LRP6: variants seen among roughly 807,000 people sequenced by gnomAD.
LRP6 encodes LDL receptor related protein 6, also known as low-density lipoprotein receptor-related protein 6.
In LRP6, 43 loss-of-function variants were observed where a neutral mutation model predicts 184.1. The ratio of observed to expected loss-of-function variants is 0.23; its 90% CI spans 0.18 to 0.30. The LOEUF is 0.30. Ranked by LOEUF, LRP6 falls within the 10% of genes least tolerant of loss-of-function variation. The probability of loss-of-function intolerance (pLI) is 1.00; values close to 1 mark genes in which losing one functional copy is unlikely to be tolerated. For synonymous variants in LRP6, 719 were observed against 684.9 expected, an observed-to-expected ratio of 1.05 and a Z score of -0.78; for missense variants, 1,571 against 2,005.3, an observed-to-expected ratio of 0.78 and a Z score of 4.14.
Position 12,215,681 on chromosome 12 carries a change from G to A in LRP6, c.450-12281C>T, listed in dbSNP as rs146733932. The stretch of plus-strand genomic sequence containing the variant: ...CTAAGATTTAAGATTTCAGTAGACA[G>A]TGTTTTCAGGTATTAAAGATCAGAG... On this transcript the variant is annotated intron_variant, in intron 2 of 22. Coordinates refer to ENST00000261349, the MANE Select transcript of LRP6 (RefSeq NM_002336.3). Among the ~76,000 whole-genome samples, 571 of 150,902 alleles carry A rather than the reference G, an allele frequency of 3.8e-3. 2 individuals are homozygous for A. The highest frequency in any genetic ancestry group is 0.013 in the African/African-American group (537 of 41,258).
At chr12:12,185,974 T>C (rs899905654) in intron 4 of LRP6, among the ~76,000 whole-genome samples, 1 of 151,434 alleles carries the variant, frequency 6.6e-6, no homozygotes. Context: ...GCCTCCCAAG[T>C]AGCTGGGATT....
chr12:12,133,854 G>GTTTT (rs761883648), intron 17 of LRP6, among the ~76,000 whole-genome samples: 1 of 116,320 alleles, frequency 8.6e-6, no homozygotes, highest in Non-Finnish European at 1.8e-5. Flanking sequence ...TTGGGGGGGG[G>GTTTT]GGGGGGGGAG....
chr12:12,171,667 G>A lies in LRP6; in HGVS notation c.1546-6372C>T, dbSNP rs180976399. Among the ~76,000 whole-genome samples, 4 of 152,308 alleles carry A rather than the reference G, an allele frequency of 2.6e-5. No individual in the cohort carries two copies. The East Asian group carries it at 7.7e-4, about 29-fold the overall frequency. ...ACCAGCTTAAACAATATCTGACTGT[G>A]AGACTTTGCATCTAAACACACAGAT... is the stretch of plus-strand genomic sequence containing the variant. On this transcript the variant is annotated intron_variant, in intron 7 of 22. Coordinates refer to ENST00000261349, the MANE Select transcript of LRP6 (RefSeq NM_002336.3).
At chr12:12,244,733 T>TA (rs113264057) in intron 1 of LRP6, 78 bp from the exon 2 acceptor site, 11 of 1,412,322 alleles carry the variant, frequency 7.8e-6, no homozygotes, top group Middle Eastern at 1.9e-4. Flanking sequence ...TTCAAATCGG[T>TA]TTAAGTGAGC....
At chr12:12,164,848 G>A (rs1862829044) in intron 8 of LRP6, among the ~76,000 whole-genome samples, 1 of 137,968 alleles carries the variant, frequency 7.2e-6, no homozygotes, top group Non-Finnish European at 1.5e-5. Flanking sequence ...GCCTGTGCAT[G>A]TGTATTCAGC....
At chr12:12,264,799 A>T (rs921591829) in intron 1 of LRP6, among the ~76,000 whole-genome samples, 2 of 152,250 alleles carry the variant, frequency 1.3e-5, no homozygotes, top group Non-Finnish European at 1.5e-5. Context: ...GTACTGTTAC[A>T]TATTAGAAGA....
chr12:12,205,321 C>CAAA (rs1864024399), intron 2 of LRP6, among the ~76,000 whole-genome samples: 1 of 17,928 alleles, frequency 5.6e-5, no homozygotes, highest in African/African-American at 5.0e-4. Flanking sequence ...GACTCTGTCT[C>CAAA]AAACAAACAA....
chr12:12,175,571 C>T (rs1182320496), intron 7 of LRP6, among the ~76,000 whole-genome samples: 2 of 151,072 alleles, frequency 1.3e-5, no homozygotes, highest in African/African-American at 4.9e-5. Flanking sequence ...CCTGTAGTCC[C>T]AGCTACTCAG....
At chr12:12,171,608 A>G (rs1420970409) in intron 7 of LRP6, among the ~76,000 whole-genome samples, 3 of 152,184 alleles carry the variant, frequency 2.0e-5, no homozygotes, top group Non-Finnish European at 4.4e-5. Context: ...TATAGAAAGG[A>G]ATTATAAGGA....
At chr12:12,189,256 A>C (rs1863553866) in intron 3 of LRP6, among the ~76,000 whole-genome samples, 1 of 152,208 alleles carries the variant, frequency 6.6e-6, no homozygotes, top group South Asian at 2.1e-4. Context: ...TGTCAACGGA[A>C]GGTAATAATC....
intron 3 of LRP6, among the ~76,000 whole-genome samples, chr12:12,201,748 G>C (rs1191269630): frequency 6.6e-6 from 1 of 152,158 alleles, no homozygotes; most frequent in East Asian, 1.9e-4. Flanking sequence ...CTCACAGCCA[G>C]ATTTGAGGTC....
chr12:12,210,723 A>G (rs915365997), intron 2 of LRP6, among the ~76,000 whole-genome samples: 1 of 152,218 alleles, frequency 6.6e-6, no homozygotes, highest in Non-Finnish European at 1.5e-5. Flanking sequence ...CATCAAATTT[A>G]TTTTGGGGGA....
intron 2 of LRP6, among the ~76,000 whole-genome samples, chr12:12,205,758 T>C (rs1864040911): frequency 6.6e-6 from 1 of 152,240 alleles, no homozygotes. Flanking sequence ...TCTTAAATTC[T>C]GAAGTCTATG....
Position 12,148,944 on chromosome 12 carries a change from T to A in LRP6, c.3204A>T (p.Lys1068Asn). 2 of 1,612,024 alleles carry A rather than the reference T, an allele frequency of 1.2e-6. No individual in the cohort carries two copies. Among genetic ancestry groups the A allele is most frequent in the Non-Finnish European group, 1.7e-6 (2 of 1,178,962 alleles). Residue 1068 changes from lysine (K) to asparagine (N), a missense_variant and splice_region_variant, in exon 14 of 23, where the codon AAA becomes AAT. This residue lies in a region of LRP6 where 763 missense variants were observed against 859.5 expected (regional missense o/e 0.89). Transcript: ENST00000261349. The part of the protein sequence containing the change: ...RPRAVVVNPE[K>N]GYMYFTNLQE... Reference sequence around the variant, plus strand: ...TGAACGCCACTTTAGTAACATACCCTTTCTCTGGGTTTACCACAACGGCTC... The same window carrying A: ...TGAACGCCACTTTAGTAACATACCCATTCTCTGGGTTTACCACAACGGCTC...
chr12:12,258,029 C>T (rs1591993459), intron 1 of LRP6, among the ~76,000 whole-genome samples: 2 of 151,482 alleles, frequency 1.3e-5, no homozygotes, highest in African/African-American at 4.9e-5. Context: ...CCAGAAAACA[C>T]GTTACATAGT....
chr12:12,215,351 A>G (rs1392420113), intron 2 of LRP6, among the ~76,000 whole-genome samples: 1 of 152,220 alleles, frequency 6.6e-6, no homozygotes, highest in Non-Finnish European at 1.5e-5. Context: ...AATAATAAAA[A>G]TAGTCTGATA....
chr12:12,184,409 C>CAAACAGAA (rs1555113239), intron 4 of LRP6, among the ~76,000 whole-genome samples: 1 of 151,614 alleles, frequency 6.6e-6, no homozygotes, highest in South Asian at 2.1e-4. Context: ...AACAAACAAA[C>CAAACAGAA]AAAACCAATA....
intron 2 of LRP6, among the ~76,000 whole-genome samples, chr12:12,205,231 C>T (rs1012116771): frequency 2.0e-5 from 3 of 147,516 alleles, no homozygotes; most frequent in Non-Finnish European, 3.0e-5. Flanking sequence ...GCAAGAGAAT[C>T]GCTTGAATCC....
chr12:12,183,222 TAAA>T (rs1318515962), intron 5 of LRP6, among the ~76,000 whole-genome samples: 26 of 152,270 alleles, frequency 1.7e-4, no homozygotes, highest in African/African-American at 6.0e-4. Context: ...CAGAGTTAGA[TAAA>T]GAAGCCACAG....
Sources: gnomAD v4.1 joint callset for allele counts (sites outside exome capture counted in the v4.1 genomes callset) on GRCh38, gnomAD v4.1.1 for gene constraint, gnomAD v4.1.1 regional missense constraint, MANE v1.5 for transcripts, NCBI Gene and HGNC (gene_info 2026-07-23, HGNC 2026-07-21) for gene names.